RPL3: variants seen among roughly 807,000 people sequenced by gnomAD.
The protein encoded by RPL3 is large ribosomal subunit protein uL3.
RPL3 carries 3 observed loss-of-function variants against 46.0 expected under a neutral mutation model. The observed-to-expected ratio is 0.07, with a 90% CI of 0.03 to 0.17. The LOEUF (loss-of-function observed/expected upper bound fraction) is 0.17, where lower values mean the gene tolerates loss of function less well. RPL3 is among the 10% of genes least tolerant of loss of function. RPL3 has a pLI of 1.00. For missense variants in RPL3, 387 were observed against 532.7 expected, an observed-to-expected ratio of 0.73 and a Z score of 2.69; for synonymous variants, 224 against 190.8, an observed-to-expected ratio of 1.17 and a Z score of -1.43.
intron 5 of RPL3, 51 bp from the exon 6 acceptor site, chr22:39,314,897 C>A: frequency 6.3e-7 from 1 of 1,587,542 alleles, no homozygotes. Context: ...CTCCCACTGA[C>A]CCCTTCCTGC....
chr22:39,316,868 G>A (rs1922729340), intron 3 of RPL3, 27 bp from the exon 4 acceptor site: 6 of 1,613,394 alleles, frequency 3.7e-6, no homozygotes, highest in Non-Finnish European at 4.2e-6. Flanking sequence ...GAGTTGGGGA[G>A]GGGACCAGGT....
chr22:39,313,850 G>A lies in RPL3; in HGVS notation c.952-121C>T, dbSNP rs767224985. 1.3e-5 allele frequency: 13 copies of A among 990,858 alleles called. No homozygotes were observed. In the South Asian group the frequency reaches 1.7e-4, roughly 13 times the overall value. 61.4% of individuals were successfully genotyped at this position (990,858 alleles called of 1,614,324 possible). ...CTCAGAAGGAAGGCAACAAGGAACG[G>A]TTCCGCAGTCTGTCTCGGGCGCTGT... On this transcript the variant is annotated intron_variant, in intron 7 of 9. Transcript: ENST00000216146.
chr22:39,314,591 TAC>T (rs1410717849), intron 6 of RPL3, 93 bp downstream of exon 6: 14 of 1,390,322 alleles, frequency 1.0e-5, no homozygotes, highest in Non-Finnish European at 1.3e-5. Context: ...ATGCATAAGC[TAC>T]AGTCAGTGAA....
At chr22:39,318,789 T>C (rs1027529287) in intron 1 of RPL3, among the ~76,000 whole-genome samples, 197 bp from the exon 2 acceptor site, 1 of 152,236 alleles carries the variant, frequency 6.6e-6, no homozygotes, top group Admixed American at 6.5e-5. Flanking sequence ...AAATTTAAGC[T>C]GAATCTTATT....
chr22:39,315,242 T>C, intron 5 of RPL3, 127 bp downstream of exon 5: 1 of 1,304,442 alleles, frequency 7.7e-7, no homozygotes, highest in East Asian at 2.3e-5. Context: ...CAGTAGAGAA[T>C]GGTTCTACAC....
intron 2 of RPL3, chr22:39,318,198 G>A (rs1290382451): frequency 5.2e-6 from 3 of 578,114 alleles, no homozygotes; most frequent in Middle Eastern, 3.0e-4. Context: ...CGCACCTAAA[G>A]CAAACAGTGC....
Position 39,318,564 on chromosome 22 carries a change from T to A in RPL3, c.32A>T (p.His11Leu), listed in dbSNP as rs1569162425. MSHRKFSAPR[H>L]GSLGFLPRKR... ...CCGAGGCAGGAAGCCGAGGGACCCA[T>A]GTCTGGGAGCGGAGAACTTTCTGTG... The change falls in exon 2 of 10, where the codon CAT becomes CTT. Residue 11 changes from histidine to leucine, a missense_variant. Transcript: ENST00000216146. The A allele has an allele frequency of 6.2e-7, 1 of 1,612,226 alleles. No homozygotes were observed.
intron 3 of RPL3, chr22:39,317,060 A>C (rs758232742): frequency 1.3e-5 from 9 of 676,134 alleles, no homozygotes; most frequent in Non-Finnish European, 1.8e-5. Context: ...AGTTACACGC[A>C]TTCAAACAAA....
intron 9 of RPL3, 88 bp downstream of exon 9, chr22:39,313,103 C>A (rs1922459404): frequency 2.5e-6 from 4 of 1,600,270 alleles, no homozygotes; most frequent in Non-Finnish European, 3.4e-6. Flanking sequence ...CCTAAGGCAT[C>A]AAGACCACCC....
chr22:39,315,674 AAC>A (rs1306424584), intron 4 of RPL3, 119 bp from the exon 5 acceptor site: 3 of 1,190,550 alleles, frequency 2.5e-6, no homozygotes, highest in Non-Finnish European at 3.6e-6. Context: ...AGTAACTCTG[AAC>A]AAGTCACTGA....
rs1285681035 is a variant in RPL3 at position 39,316,527 on chromosome 22, G to GA, written c.501+178dup. On this transcript the variant is annotated intron_variant, in intron 4 of 9. Transcript: ENST00000216146. ...AGGCAGGCATTTCAGTGTTACTGGT[G>GA]AGTCACCAGTTGAATTTTAAAGGGG... Among the ~76,000 whole-genome samples, 8 of 152,226 alleles carry GA rather than the reference G, an allele frequency of 5.3e-5. No homozygotes were observed. The East Asian group carries it at 1.5e-3, about 29-fold the overall frequency.
At position 39,317,730 on chromosome 22, in the gene RPL3, C is replaced by CT. The variant is rs1922795012; in HGVS notation, c.197-102dup. On this transcript the variant is annotated intron_variant, in intron 2 of 9. Coordinates refer to ENST00000216146, the MANE Select transcript of RPL3 (RefSeq NM_000967.4). ...GTGCCCATTTAGGCCGGAAGGGCAA[C>CT]TGGGCCCCACACCTGCAGTACGGAC... The CT allele has an allele frequency of 2.3e-6, 3 of 1,328,342 alleles. No individual in the cohort carries two copies. In the Admixed American group the frequency reaches 5.7e-5, roughly 25 times the overall value. 82.3% of individuals were successfully genotyped at this position (1,328,342 alleles called of 1,614,324 possible). A position where few individuals can be genotyped will look rare whatever the true frequency, so the allele number is the denominator to read the frequency against.
Position 39,315,519 on chromosome 22 carries a change from G to T in RPL3, c.538C>A (p.Leu180Met). Residue 180 changes from leucine to methionine, a missense_variant, in exon 5 of 10, where the codon CTG (leucine) becomes ATG (methionine). Around this residue, in one of 5 missense-constraint regions of RPL3, gnomAD observed 196 missense variants for 217.5 expected, o/e 0.90. Coordinates refer to ENST00000216146, the MANE Select transcript of RPL3 (RefSeq NM_000967.4). ...CCTCCGTTCACCTGGATCTCCATCA[G>T]GTGGGCCTTCTTCTGGCGCAGAGGA... is the stretch of plus-strand genomic sequence containing the variant. ...LLPLRQKKAH[L>M]MEIQVNGGTV... The T allele has an allele frequency of 6.2e-7, 1 of 1,614,132 alleles. No homozygotes were observed. The highest frequency in any genetic ancestry group is 8.5e-7 in the Non-Finnish European group (1 of 1,180,050).
intron 2 of RPL3, chr22:39,317,888 G>C (rs1922803752): frequency 4.1e-6 from 2 of 486,870 alleles, no homozygotes; most frequent in Non-Finnish European, 3.7e-6. Flanking sequence ...TCTGGAGGCA[G>C]ACAAGATTGC....
chr22:39,314,840 G>C lies in RPL3; in HGVS notation c.695C>G (p.Thr232Ser). The stretch of plus-strand genomic sequence containing the variant: ...CAGCTTCTTGGTGTGCCAACGACTG[G>C]TGACCCCTGGAATGGATACACATTA... ...VTKGKGYKGVTSRWHTKKLPR... is the reference protein window; with the variant it reads ...VTKGKGYKGVSSRWHTKKLPR... Residue 232 changes from threonine (T) to serine (S), a missense_variant, in exon 6 of 10, where the codon ACC (threonine) becomes AGC (serine). By Grantham distance (58) the Thr-to-Ser change is moderately conservative (BLOSUM62 1). Around this residue, in one of 5 missense-constraint regions of RPL3, gnomAD observed 48 missense variants for 80.7 expected, o/e 0.60. Coordinates refer to ENST00000216146, the MANE Select transcript of RPL3 (RefSeq NM_000967.4). 1 of 1,613,412 alleles carries C rather than the reference G, an allele frequency of 6.2e-7. No homozygotes were observed. The highest frequency in any genetic ancestry group is 1.1e-5 in the South Asian group (1 of 91,032).
chr22:39,316,982 C>T (rs912112435), intron 3 of RPL3, 141 bp from the exon 4 acceptor site: 6 of 1,292,140 alleles, frequency 4.6e-6, no homozygotes, highest in South Asian at 2.4e-5. Context: ...CACCAGCAAG[C>T]GGAGCCTGGA....
At position 39,318,424 on chromosome 22, in the gene RPL3, G is replaced by C; in HGVS notation, c.172C>G (p.Arg58Gly). The C allele has an allele frequency of 9.3e-6, 15 of 1,613,730 alleles. No homozygotes were observed. The highest frequency in any genetic ancestry group is 1.2e-5 in the Non-Finnish European group (14 of 1,179,884). Residue 58 changes from arginine (R) to glycine (G), a missense_variant, in exon 2 of 10, where the codon CGG (arginine) becomes GGG (glycine). Physicochemically the swap from Arg to Gly is moderately radical, Grantham distance 125 (BLOSUM62 -2). Transcript: ENST00000216146. ...GYKAGMTHIVREVDRPGSKVN... is the reference protein window; with the variant it reads ...GYKAGMTHIVGEVDRPGSKVN... ...CTGGATCCCGGCCTGTCGACTTCCC[G>C]CACGATGTGAGTCATGCCAGCCTTG... is the stretch of plus-strand genomic sequence containing the variant.
Position 39,319,575 on chromosome 22 carries a change from G to A in RPL3, c.3+20C>T, listed in dbSNP as rs749656930. On this transcript the variant is annotated intron_variant, in intron 1 of 9. Coordinates refer to ENST00000216146, the MANE Select transcript of RPL3 (RefSeq NM_000967.4). ...TGCCGACGCCGGTGACAATGAAACG[G>A]CCGCCATTACAACACATACCATCAC... 29 of 1,565,004 alleles carry A rather than the reference G, an allele frequency of 1.9e-5. No homozygotes were observed. In the South Asian group the frequency reaches 2.3e-4, roughly 13 times the overall value.
intron 3 of RPL3, chr22:39,317,180 AATT>A (rs1467402627): frequency 1.8e-6 from 1 of 566,636 alleles, no homozygotes; most frequent in Non-Finnish European, 3.1e-6. Context: ...ATAGGGGTTT[AATT>A]ATTCTGCTAC....
Sources: allele counts gnomAD v4.1 joint callset (sites outside exome capture counted in the v4.1 genomes callset), GRCh38; gene constraint gnomAD v4.1.1; regional missense constraint gnomAD v4.1.1; transcripts MANE v1.5; gene names NCBI Gene and HGNC (gene_info 2026-07-23, HGNC 2026-07-21).